The following SPATA22 variants were observed in gnomAD, a reference collection of about 807,000 sequenced individuals.
SPATA22 encodes spermatogenesis-associated protein 22.
A neutral mutation model predicts 47.8 loss-of-function variants in SPATA22; 29 were observed. That is an observed-to-expected ratio of 0.61 (90% CI 0.45 to 0.83). SPATA22 has a LOEUF of 0.83. SPATA22 is among the 40% of genes least tolerant of loss of function. The pLI, the probability that SPATA22 is intolerant of heterozygous loss-of-function variation, is 0.00. For missense variants in SPATA22, 410 were observed against 421.7 expected (o/e 0.97, Z 0.24); for synonymous variants, 133 against 140.9 (o/e 0.94, Z 0.40).
chr17:3,494,077 C>A (rs894559296), intron 1 of SPATA22, among the ~76,000 whole-genome samples: 12 of 151,172 alleles, frequency 7.9e-5, no homozygotes, highest in African/African-American at 2.9e-4. Flanking sequence ...ACTCTTGTTG[C>A]CCAGGTTGGA....
Position 3,488,938 on chromosome 17 carries a change from C to G in SPATA22, c.-73-19540G>C, listed in dbSNP as rs2073773433. Reference sequence around the variant, plus strand: ...ATGTTATGACTTTTAAATATTTTAGCAATACTGAAGGAAATTTAAAGAAAA... The same window carrying G: ...ATGTTATGACTTTTAAATATTTTAGGAATACTGAAGGAAATTTAAAGAAAA... On this transcript the variant is annotated intron_variant, in intron 1 of 8. Coordinates refer to the SPATA22 transcript ENST00000541913. This position sits in a 1 kb window ranked among gnomAD's most constrained non-coding sequence, Gnocchi z 6.1. Among the ~76,000 whole-genome samples, 1 of 152,076 alleles carries G rather than the reference C, an allele frequency of 6.6e-6. No homozygotes were observed. Among genetic ancestry groups the G allele is most frequent in the Non-Finnish European group, 1.5e-5 (1 of 68,020 alleles).
chr17:3,449,185 A>G, intron 5 of SPATA22, 36 bp from the exon 6 acceptor site: 1 of 1,422,304 alleles, frequency 7.0e-7, no homozygotes, highest in Non-Finnish European at 9.5e-7. Flanking sequence ...TTGTTTCTAT[A>G]TGGTTTCTTA....
At chr17:3,497,713 G>A (rs139761276) in intron 1 of SPATA22, among the ~76,000 whole-genome samples, 11 of 152,256 alleles carry the variant, frequency 7.2e-5, no homozygotes, top group South Asian at 2.1e-4. Context: ...GCACGTGAAC[G>A]TCAAGGACCT....
chr17:3,506,659 G>T (rs2074042928), intron 1 of SPATA22, among the ~76,000 whole-genome samples: 1 of 152,174 alleles, frequency 6.6e-6, no homozygotes, highest in Admixed American at 6.5e-5. Flanking sequence ...CTAAGTGAAA[G>T]GCAGGGCCAC....
chr17:3,453,505 A>C (rs2072911180), intron 5 of SPATA22, among the ~76,000 whole-genome samples: 1 of 152,182 alleles, frequency 6.6e-6, no homozygotes. Flanking sequence ...ACTCCAACAC[A>C]ATAAAGGTCA....
At chr17:3,464,290 T>C (rs548301981) in intron 3 of SPATA22, among the ~76,000 whole-genome samples, 43,983 of 145,566 alleles carry the variant, frequency 0.3, 7,275 homozygotes, top group Non-Finnish European at 0.44. Context: ...TGCTCAATGG[T>C]GCCCAGGCTG....
chr17:3,464,484 T>C (rs1330133881), intron 3 of SPATA22, among the ~76,000 whole-genome samples: 1 of 131,882 alleles, frequency 7.6e-6, no homozygotes, highest in Non-Finnish European at 1.7e-5. Context: ...CTGCCCAGTC[T>C]GGAAAGTGAG....
intron 1 of SPATA22, among the ~76,000 whole-genome samples, chr17:3,476,930 C>A (rs1053285305): frequency 6.6e-6 from 1 of 152,068 alleles, no homozygotes; most frequent in Non-Finnish European, 1.5e-5. Flanking sequence ...CCGAGGCAGG[C>A]GGATCACGAG....
intron 1 of SPATA22, chr17:3,481,458 A>C: frequency 1.4e-6 from 1 of 701,968 alleles, no homozygotes; most frequent in Non-Finnish European, 2.4e-6. Context: ...TCATATATAA[A>C]CATTTCAGGT....
intron 1 of SPATA22, among the ~76,000 whole-genome samples, chr17:3,496,800 C>T (rs905166329): frequency 4.1e-4 from 62 of 152,200 alleles, no homozygotes; most frequent in African/African-American, 1.2e-3. Flanking sequence ...GGAGCGGTGG[C>T]TCACGCCTGT....
Position 3,455,969 on chromosome 17 carries a change from A to C in SPATA22, c.329+6514T>G, listed in dbSNP as rs1023372393. On this transcript the variant is annotated intron_variant, in intron 5 of 8. Coordinates refer to ENST00000572969, the MANE Select transcript of SPATA22 (RefSeq NM_001170698.2). ...ATTTGTTTGTATCCTCTTTTATTTC[A>C]TTGAGCAGTGATTTGTAGTTCTCCT... 2.0e-5 allele frequency among the ~76,000 whole-genome samples: 3 copies of C among 152,128 alleles called. No homozygotes were observed. In the East Asian group the frequency reaches 5.8e-4, roughly 29 times the overall value.
chr17:3,509,203 CAA>C (rs367962582), intron 1 of SPATA22, among the ~76,000 whole-genome samples: 2 of 143,480 alleles, frequency 1.4e-5, no homozygotes, highest in African/African-American at 5.1e-5. Context: ...TTATTTCTTC[CAA>C]AAAAAAAAGG....
At chr17:3,478,455 A>AT (rs2073569686) in intron 1 of SPATA22, among the ~76,000 whole-genome samples, 1 of 152,196 alleles carries the variant, frequency 6.6e-6, no homozygotes, top group Admixed American at 6.5e-5. Context: ...CTTTATCTTC[A>AT]TGACTGAGGT....
intron 1 of SPATA22, among the ~76,000 whole-genome samples, chr17:3,486,848 C>G (rs1386682201): frequency 6.6e-6 from 1 of 152,090 alleles, no homozygotes; most frequent in Non-Finnish European, 1.5e-5. Context: ...ATTGTCCAAA[C>G]CAAAAATTAA....
chr17:3,456,659 A>G (rs2073005107), intron 5 of SPATA22, among the ~76,000 whole-genome samples: 2 of 152,168 alleles, frequency 1.3e-5, no homozygotes, highest in South Asian at 4.1e-4. Flanking sequence ...AACTATTCCA[A>G]TCAATAGAAA....
rs1318939015 is a variant in SPATA22, at chr17:3,464,747, CCGCCCCG to C, written c.173-1987_173-1981del. 5.7e-3 allele frequency among the ~76,000 whole-genome samples: 804 copies of C among 139,978 alleles called. 6 individuals carry two copies. The highest frequency in any genetic ancestry group is 0.01 in the Non-Finnish European group (670 of 64,330). The allele number at this position is 139,978 out of a possible 152,430, so 91.8% of individuals were successfully genotyped here. On this transcript the variant is annotated intron_variant, in intron 3 of 8. Coordinates refer to ENST00000572969, the MANE Select transcript of SPATA22 (RefSeq NM_001170698.2). The stretch of plus-strand genomic sequence containing the variant: ...AGGGAGGAGACCCTCCGCCCGGCAA[CCGCCCCG>C]TCTGAGAAGTGAGGAGCCCCTCCGC...
chr17:3,452,094 A>G (rs2150706518), intron 5 of SPATA22, among the ~76,000 whole-genome samples: 1 of 152,098 alleles, frequency 6.6e-6, no homozygotes, highest in East Asian at 1.9e-4. Flanking sequence ...TAACATACCA[A>G]AACTTATGGG....
upstream of SPATA22, chr17:3,476,511 G>A (rs532200920): frequency 2.5e-5 from 24 of 964,310 alleles, no homozygotes; most frequent in African/African-American, 2.4e-4. Flanking sequence ...ACATGCAGTC[G>A]TATGTTGAAT....
At chr17:3,460,951 T>C (rs989573190) in intron 5 of SPATA22, among the ~76,000 whole-genome samples, 5 of 152,198 alleles carry the variant, frequency 3.3e-5, no homozygotes, top group African/African-American at 1.2e-4. Flanking sequence ...TCATCCTTAC[T>C]AATCTTACTA....
Sources: allele counts gnomAD v4.1 joint callset (sites outside exome capture counted in the v4.1 genomes callset), GRCh38; gene constraint gnomAD v4.1.1; non-coding constraint Gnocchi (gnomAD v3.1); transcripts MANE v1.5; gene names NCBI Gene and HGNC (gene_info 2026-07-23, HGNC 2026-07-21).